Variants in ERCC6L2 observed in about 807,000 individuals in gnomAD.
ERCC6L2 encodes the protein DNA excision repair protein ERCC-6-like 2.
ERCC6L2 carries 77 observed loss-of-function variants against 132.0 expected under a neutral mutation model. The observed-to-expected ratio is 0.58, with a 90% CI of 0.49 to 0.71. The LOEUF is 0.71. ERCC6L2 is among the 30% of genes least tolerant of loss of function. The probability of loss-of-function intolerance (pLI) is 0.00; values close to 1 mark genes in which losing one functional copy is unlikely to be tolerated. For missense variants in ERCC6L2, 1,542 were observed against 1,837.6 expected (o/e 0.84, Z 2.94); for synonymous variants, 583 against 632.4 (o/e 0.92, Z 1.17).
intron 4 of ERCC6L2, among the ~76,000 whole-genome samples, chr9:95,907,855 A>ACCCC (rs374278292): frequency 5.8e-5 from 6 of 103,760 alleles, no homozygotes; most frequent in African/African-American, 1.5e-4. Context: ...ACACACACAC[A>ACCCC]CCCCCACACC....
rs1475787069 is a variant in ERCC6L2 at position 96,017,409 on chromosome 9, C to T, written c.*4206C>T. On this transcript the variant is annotated 3_prime_UTR_variant, in exon 19 of 19. Coordinates refer to ENST00000653738, the MANE Select transcript of ERCC6L2 (RefSeq NM_020207.7). ...GCCCCTAGGAGGAAAGACAGATTCG[C>T]CCTTCCTTCCCAAGTCCCAGGCTGT... 2.0e-5 allele frequency among the ~76,000 whole-genome samples: 3 copies of T among 152,128 alleles called. No individual in the cohort carries two copies. The highest frequency in any genetic ancestry group is 4.4e-5 in the Non-Finnish European group (3 of 67,966).
In ERCC6L2 at chr9:95,958,424, T is replaced by C. The variant is rs887706023; in HGVS notation, c.1947+2411T>C. Among the ~76,000 whole-genome samples the C allele has an allele frequency of 8.5e-5, 13 of 152,146 alleles. No homozygotes were observed. The East Asian group carries it at 2.5e-3, about 29-fold the overall frequency. On this transcript the variant is annotated intron_variant, in intron 13 of 18. Coordinates refer to ENST00000653738, the MANE Select transcript of ERCC6L2 (RefSeq NM_020207.7). ...TTTCTAGTTCTAGGTCCCTGAGGAA[T>C]TGCCACACTGACTTCCACAATGGTT...
chr9:96,001,138 G>A (rs1209022937), intron 17 of ERCC6L2, among the ~76,000 whole-genome samples: 1 of 152,198 alleles, frequency 6.6e-6, no homozygotes, highest in Non-Finnish European at 1.5e-5. Context: ...GAGTGAAGCT[G>A]CAGATCTTTG....
intron 11 of ERCC6L2, among the ~76,000 whole-genome samples, chr9:95,939,018 A>T (rs965312106): frequency 6.6e-6 from 1 of 152,024 alleles, no homozygotes; most frequent in African/African-American, 2.4e-5. Context: ...GTCTACTGGT[A>T]TACAGGTTTA....
Position 95,972,260 on chromosome 9 carries a change from G to A in ERCC6L2, c.2509G>A (p.Glu837Lys). 1 of 1,303,462 alleles carries A rather than the reference G, an allele frequency of 7.7e-7. No individual in the cohort carries two copies. The highest frequency in any genetic ancestry group is 1.2e-5 in the South Asian group (1 of 80,836). The allele number at this position is 1,303,462 out of a possible 1,614,324, so 80.7% of individuals were successfully genotyped here. A position where few individuals can be genotyped will look rare whatever the true frequency, so the allele number is the denominator to read the frequency against. The change falls in exon 16 of 19, where the codon GAG (glutamate) becomes AAG (lysine). Residue 837 changes from glutamate (E) to lysine (K), a missense_variant. By Grantham distance (56) the Glu-to-Lys change is moderately conservative (BLOSUM62 1). Transcript: ENST00000653738. ...LSTEAKDAGC[E>K]KNQDSLGTSK... ...AACAGAAGCCAAAGATGCTGGTTGTGAGAAAAATCAGGACTCTCTTGGTAC... is the reference window on the plus strand; with the variant it reads ...AACAGAAGCCAAAGATGCTGGTTGTAAGAAAAATCAGGACTCTCTTGGTAC...
intron 12 of ERCC6L2, among the ~76,000 whole-genome samples, chr9:95,950,617 A>C (rs1295597359): frequency 6.6e-6 from 1 of 152,218 alleles, no homozygotes; most frequent in Non-Finnish European, 1.5e-5. Flanking sequence ...GTCCAAGAAT[A>C]TACACAGGTT....
At chr9:95,971,845 AT>A (rs1490361131) in intron 15 of ERCC6L2, 87 bp from the exon 16 acceptor site, 1 of 809,160 alleles carries the variant, frequency 1.2e-6, no homozygotes, top group African/African-American at 1.8e-5. Flanking sequence ...TTGTACCTAA[AT>A]TACCTGCCCA....
intron 5 of ERCC6L2, 48 bp from the exon 6 acceptor site, chr9:95,916,179 G>A: frequency 5.2e-6 from 8 of 1,541,604 alleles, no homozygotes; most frequent in Non-Finnish European, 6.3e-6. Context: ...AGAAGTTAGT[G>A]TTTTTAGATA....
At chr9:96,037,280 C>T (rs947335527) in intron 19 of ERCC6L2, among the ~76,000 whole-genome samples, 2 of 152,184 alleles carry the variant, frequency 1.3e-5, no homozygotes, top group African/African-American at 2.4e-5. Context: ...TTGTCAACTG[C>T]ACACATTGAT....
chr9:95,995,351 A>C (rs942972431), intron 17 of ERCC6L2, among the ~76,000 whole-genome samples: 1 of 152,234 alleles, frequency 6.6e-6, no homozygotes, highest in African/African-American at 2.4e-5. Context: ...TGAATGTTTC[A>C]TACTATCAAT....
At chr9:96,011,865 A>G (rs754934220) in intron 18 of ERCC6L2, among the ~76,000 whole-genome samples, 2 of 152,260 alleles carry the variant, frequency 1.3e-5, no homozygotes, top group South Asian at 2.1e-4. Context: ...TGAATACAAT[A>G]TAGATTTTCA....
At position 95,916,502 on chromosome 9, in the gene ERCC6L2, T is replaced by C; in HGVS notation, c.1158+68T>C. The C allele has an allele frequency of 6.1e-6, 8 of 1,304,294 alleles. No individual in the cohort carries two copies. The South Asian group carries it at 1.4e-4, about 23-fold the overall frequency. 80.8% of individuals were successfully genotyped at this position (1,304,294 alleles called of 1,614,324 possible). On this transcript the variant is annotated intron_variant, in intron 6 of 18. Coordinates refer to ENST00000653738, the MANE Select transcript of ERCC6L2 (RefSeq NM_020207.7). ...TTTTTTTTTCCTTTTTAAGAAAAAG[T>C]CTGTCTCCTGTGGCATTTTGTAAAT...
chr9:95,973,095 A>G lies in ERCC6L2; in HGVS notation c.3337+7A>G. On this transcript the variant is annotated splice_region_variant and intron_variant, in intron 16 of 18. Coordinates refer to ENST00000653738, the MANE Select transcript of ERCC6L2 (RefSeq NM_020207.7). ...TCAATGGATAAATTTTTAGGTAACT[A>G]AAGACACATTCTCAAAACTTTAAAA... 1 of 1,312,670 alleles carries G rather than the reference A, an allele frequency of 7.6e-7. No individual in the cohort carries two copies. Among genetic ancestry groups the G allele is most frequent in the African/African-American group, 1.5e-5 (1 of 65,432 alleles). 81.3% of individuals were successfully genotyped at this position (1,312,670 alleles called of 1,614,324 possible). A position where few individuals can be genotyped will look rare whatever the true frequency, so the allele number is the denominator to read the frequency against.
chr9:95,971,071 C>A (rs1039086125), intron 15 of ERCC6L2, among the ~76,000 whole-genome samples: 1 of 152,062 alleles, frequency 6.6e-6, no homozygotes, highest in Non-Finnish European at 1.5e-5. Context: ...ATTTTGTGAT[C>A]TTTTTAGTAG....
rs548296665 is a variant in ERCC6L2, at chr9:96,008,621, C to T, written c.3675-3604C>T. ...AGTGAGGCATGATTGAATCCTTCCT[C>T]AATGAAACTTCACATTATAACATAT... On this transcript the variant is annotated intron_variant, in intron 18 of 18. Transcript: ENST00000653738. 1.2e-4 allele frequency among the ~76,000 whole-genome samples: 18 copies of T among 152,280 alleles called. No homozygotes were observed. In the South Asian group the frequency reaches 3.7e-3, roughly 32 times the overall value.
intron 18 of ERCC6L2, among the ~76,000 whole-genome samples, chr9:96,010,136 A>G (rs1172460017): frequency 6.6e-6 from 1 of 152,362 alleles, no homozygotes; most frequent in East Asian, 1.9e-4. Flanking sequence ...CAACAAGAAC[A>G]TTGGCAATTT....
intron 2 of ERCC6L2, among the ~76,000 whole-genome samples, chr9:95,886,582 C>G (rs1827880976): frequency 6.6e-6 from 1 of 152,136 alleles, no homozygotes; most frequent in Admixed American, 6.5e-5. Flanking sequence ...TTTTACTCAA[C>G]TTTTAACCAT....
At chr9:95,901,111 G>GT (rs1828752446) in intron 3 of ERCC6L2, among the ~76,000 whole-genome samples, 1 of 151,722 alleles carries the variant, frequency 6.6e-6, no homozygotes, top group East Asian at 1.9e-4. Flanking sequence ...AATTTTATGT[G>GT]TTTGTATATT....
At chr9:96,003,819 A>G (rs1833771673) in intron 17 of ERCC6L2, among the ~76,000 whole-genome samples, 1 of 152,062 alleles carries the variant, frequency 6.6e-6, no homozygotes, top group Admixed American at 6.6e-5. Flanking sequence ...TGTATTTAGT[A>G]TTTCTCTTTT....
Sources: allele counts gnomAD v4.1 joint callset (sites outside exome capture counted in the v4.1 genomes callset), GRCh38; gene constraint gnomAD v4.1.1; transcripts MANE v1.5; gene names NCBI Gene and HGNC (gene_info 2026-07-23, HGNC 2026-07-21).